DET1: variants seen among roughly 807,000 people sequenced by gnomAD.
DET1 encodes the protein DET1 partner of COP1 E3 ubiquitin ligase.
Under a neutral mutation model 43.7 loss-of-function variants are expected in DET1, and 22 were observed. That is an observed-to-expected ratio of 0.50 (90% CI 0.36 to 0.72). The LOEUF is 0.72. Ranked by LOEUF, DET1 falls within the 30% of genes least tolerant of loss-of-function variation. The pLI is 0.00. For synonymous variants in DET1, 315 were observed against 266.2 expected (o/e 1.18, Z -1.79); for missense variants, 713 against 713.3 (o/e 1.00, Z 0.00).
At chr15:88,527,315 T>G (rs1463119070) in intron 3 of DET1, among the ~76,000 whole-genome samples, 1 of 152,224 alleles carries the variant, frequency 6.6e-6, no homozygotes, top group African/African-American at 2.4e-5. Context: ...TCAATAAACA[T>G]AAGTGCTTGA....
rs754857914 is a variant in DET1 at position 88,531,004 on chromosome 15, C to T, written c.702G>A (p.Val234=). 1 of 1,613,570 alleles carries T rather than the reference C, an allele frequency of 6.2e-7. No homozygotes were observed. ...LYKNILAILS[V]QQQTIHVFQV... is the part of the protein sequence containing the mutation. ...GGAAGACATGGATGGTCTGTTGTTG[C>T]ACAGACAAGATGGCCAGGATGTTTT... The change falls in exon 2 of 5, where the codon GTG becomes GTA. Residue 234 remains valine, a synonymous_variant. Transcript: ENST00000268148. This position sits in a 1 kb window ranked among gnomAD's most constrained non-coding sequence, Gnocchi z 6.2.
chr15:88,531,233 G>T lies in DET1; in HGVS notation c.473C>A (p.Ser158Ter). 6.2e-7 allele frequency: 1 copy of T among 1,613,942 alleles called. No homozygotes were observed. The highest frequency in any genetic ancestry group is 8.5e-7 in the Non-Finnish European group (1 of 1,179,854). The change falls in exon 2 of 5, where the codon TCA becomes TAA. Residue 158 changes from serine to a stop codon, truncating the protein, a stop_gained. Coordinates refer to ENST00000268148, the MANE Select transcript of DET1 (RefSeq NM_001144074.3). LOFTEE classifies it high-confidence loss of function. This position sits in a 1 kb window ranked among gnomAD's most constrained non-coding sequence, Gnocchi z 6.2. ...TDDCRCVIVG[S>*]AAYLPDEPHP... ...AGGCTCATCTGGGAGGTAGGCAGCTGAGCCCACGATGACACAGCGGCAGTC... is the reference window on the plus strand; with the variant it reads ...AGGCTCATCTGGGAGGTAGGCAGCTTAGCCCACGATGACACAGCGGCAGTC...
In DET1 at chr15:88,531,555, T is replaced by C; in HGVS notation, c.151A>G (p.Thr51Ala). 1.2e-6 allele frequency: 2 copies of C among 1,613,964 alleles called. No individual in the cohort carries two copies. Among genetic ancestry groups the C allele is most frequent in the Non-Finnish European group, 1.7e-6 (2 of 1,179,896 alleles). The part of the protein sequence containing the change: ...VFHQNVFPNF[T>A]VVNVEKPPCF... ...GGAGGCTTTTCAACGTTGACAACTG[T>C]GAAGTTGGGGAAGACATTCTGATGG... Residue 51 changes from threonine to alanine, a missense_variant, in exon 2 of 5, where the codon ACA becomes GCA. Transcript: ENST00000268148. The surrounding 1 kb of genome is among the most constrained non-coding windows in gnomAD (Gnocchi z 6.2).
chr15:88,516,717 G>A lies in DET1; in HGVS notation c.1463+65C>T. 1.5e-6 allele frequency: 2 copies of A among 1,336,680 alleles called. No homozygotes were observed. Among genetic ancestry groups the A allele is most frequent in the African/African-American group, 3.0e-5 (2 of 65,672 alleles). 82.8% of individuals were successfully genotyped at this position (1,336,680 alleles called of 1,614,324 possible). On this transcript the variant is annotated intron_variant, in intron 4 of 4. Coordinates refer to ENST00000268148, the MANE Select transcript of DET1 (RefSeq NM_001144074.3). This position sits in a 1 kb window ranked among gnomAD's most constrained non-coding sequence, Gnocchi z 4.4. Reference sequence around the variant, plus strand: ...CACAATCAAATGATGTCCAGAAAAAGAGAAAAAGAAAGCAGGCCATCTTCA... The same window carrying A: ...CACAATCAAATGATGTCCAGAAAAAAAGAAAAAGAAAGCAGGCCATCTTCA...
At chr15:88,523,222 A>G (rs1286159273) in intron 3 of DET1, among the ~76,000 whole-genome samples, 1 of 152,006 alleles carries the variant, frequency 6.6e-6, no homozygotes, top group Non-Finnish European at 1.5e-5. Context: ...TGTGTTGGTC[A>G]CTTTTAGGAT....
At position 88,516,784 on chromosome 15, in the gene DET1, G is replaced by A; in HGVS notation, c.1461C>T (p.Ile487=). The A allele has an allele frequency of 1.9e-6, 3 of 1,575,100 alleles. No individual in the cohort carries two copies. Among genetic ancestry groups the A allele is most frequent in the Non-Finnish European group, 1.7e-6 (2 of 1,164,840 alleles). ...TAGCTATAGCAGTGACACTGTACCT[G>A]ATTGGGTGATCTCCACAAGTCTTGG... ...ERPKTCGDHP[I]RFYARDSGLL... The change falls in exon 4 of 5, where the codon ATC becomes ATT. Residue 487 remains isoleucine, a splice_region_variant and synonymous_variant. Transcript: ENST00000268148. This position sits in a 1 kb window ranked among gnomAD's most constrained non-coding sequence, Gnocchi z 4.4.
At chr15:88,537,060 C>G (rs2056971807) in intron 1 of DET1, among the ~76,000 whole-genome samples, 1 of 151,936 alleles carries the variant, frequency 6.6e-6, no homozygotes, top group South Asian at 2.1e-4. Context: ...TATATAATAC[C>G]CAGTCAAGTT....
intron 1 of DET1, among the ~76,000 whole-genome samples, chr15:88,538,484 C>G (rs148820817): frequency 6.6e-6 from 1 of 151,536 alleles, no homozygotes; most frequent in Non-Finnish European, 1.5e-5. Context: ...TAACTAGACC[C>G]CCCCTCCCCT....
intron 3 of DET1, among the ~76,000 whole-genome samples, chr15:88,525,827 A>ATTTTTTTTTTTTT (rs10658727): frequency 1.1e-5 from 1 of 90,698 alleles, no homozygotes; most frequent in African/African-American, 4.4e-5. Context: ...ACACTCGGCT[A>ATTTTTTTTTTTTT]TTTTTTTTTT....
At chr15:88,520,775 C>G (rs2056468498) in intron 3 of DET1, among the ~76,000 whole-genome samples, 1 of 152,176 alleles carries the variant, frequency 6.6e-6, no homozygotes, top group Non-Finnish European at 1.5e-5. Flanking sequence ...AATAATCAAT[C>G]ACAGAGGACT....
At chr15:88,517,269 A>G (rs1451830562) in intron 3 of DET1, among the ~76,000 whole-genome samples, 1 of 131,794 alleles carries the variant, frequency 7.6e-6, no homozygotes. Context: ...TTTGTTGCCC[A>G]GGCTGGAGTA....
chr15:88,512,394 A>G, downstream of DET1: 1 of 985,516 alleles, frequency 1.0e-6, no homozygotes. Context: ...ATGGCCTCTC[A>G]TCTCTTTCAC....
At chr15:88,529,529 T>C (rs1167696175) in intron 2 of DET1, among the ~76,000 whole-genome samples, 1 of 152,226 alleles carries the variant, frequency 6.6e-6, no homozygotes, top group Non-Finnish European at 1.5e-5. Flanking sequence ...TACTTCTTTT[T>C]AGAACACATA....
At chr15:88,513,870 G>C (rs2056268608) in intron 4 of DET1, among the ~76,000 whole-genome samples, 1 of 140,686 alleles carries the variant, frequency 7.1e-6, no homozygotes, top group African/African-American at 2.8e-5. Flanking sequence ...CGCGATCTCG[G>C]CTCACTGCAA....
chr15:88,518,575 AT>A (rs1364257947), intron 3 of DET1, among the ~76,000 whole-genome samples: 1 of 152,162 alleles, frequency 6.6e-6, no homozygotes, highest in African/African-American at 2.4e-5. Flanking sequence ...GACATTTTGA[AT>A]TTTTTCCTTA....
chr15:88,530,203 G>T (rs552962881), intron 2 of DET1, among the ~76,000 whole-genome samples: 1 of 152,170 alleles, frequency 6.6e-6, no homozygotes, highest in South Asian at 2.1e-4. Flanking sequence ...TGAAAGTGGG[G>T]TTACTTAGAG....
chr15:88,524,361 C>T (rs1201472058), intron 3 of DET1, among the ~76,000 whole-genome samples: 1 of 151,844 alleles, frequency 6.6e-6, no homozygotes, highest in East Asian at 2.0e-4. Flanking sequence ...CCCTGCCTGG[C>T]CACCGCCCCG....
chr15:88,531,052 G>A lies in DET1; in HGVS notation c.654C>T (p.His218=), dbSNP rs778108491. The A allele has an allele frequency of 9.3e-6, 15 of 1,613,816 alleles. No homozygotes were observed. The highest frequency in any genetic ancestry group is 1.3e-5 in the Non-Finnish European group (15 of 1,179,802). ...TTTTGTACAAGTACAGCCCTTGGTT[G>A]TGTGACAAGACCACCTTGTCACACT... The part of the protein sequence containing the change: ...TFKCDKVVLS[H]NQGLYLYKNI... The change falls in exon 2 of 5, where the codon CAC becomes CAT. Residue 218 remains histidine, a synonymous_variant. Coordinates refer to ENST00000268148, the MANE Select transcript of DET1 (RefSeq NM_001144074.3). This position sits in a 1 kb window ranked among gnomAD's most constrained non-coding sequence, Gnocchi z 6.2.
At chr15:88,529,960 C>T (rs1598335949) in intron 2 of DET1, among the ~76,000 whole-genome samples, 1 of 152,168 alleles carries the variant, frequency 6.6e-6, no homozygotes, top group Admixed American at 6.5e-5. Flanking sequence ...ATTCTTCCCC[C>T]AAACTGAAAA....
Sources: allele counts gnomAD v4.1 joint callset (sites outside exome capture counted in the v4.1 genomes callset), GRCh38; gene constraint gnomAD v4.1.1; non-coding constraint Gnocchi (gnomAD v3.1); transcripts MANE v1.5; gene names NCBI Gene and HGNC (gene_info 2026-07-23, HGNC 2026-07-21).